PIEZO1: variants seen among roughly 807,000 people sequenced by gnomAD.
PIEZO1 encodes the protein piezo type mechanosensitive ion channel component 1 (Er blood group).
In PIEZO1, 296 loss-of-function variants were observed where a neutral mutation model predicts 297.2. The ratio of observed to expected loss-of-function variants is 1.00; its 90% CI spans 0.91 to 1.10. The LOEUF is 1.10. Ranked by LOEUF, PIEZO1 falls within the 50% of genes least tolerant of loss-of-function variation. The probability of loss-of-function intolerance (pLI) is 0.00; values close to 1 mark genes in which losing one functional copy is unlikely to be tolerated. For missense variants in PIEZO1, 5,018 were observed against 3,455.5 expected (o/e 1.45, Z -11.34); for synonymous variants, 2,427 against 1,507.5 (o/e 1.61, Z -14.13).
chr16:88,772,671 G>A (rs954672521), intron 1 of PIEZO1, among the ~76,000 whole-genome samples: 3 of 152,006 alleles, frequency 2.0e-5, no homozygotes, highest in African/African-American at 7.2e-5. Context: ...CTCAGCTACT[G>A]GGGAGGCTGA....
chr16:88,721,769 G>T, intron 37 of PIEZO1, 39 bp downstream of exon 37: 6 of 1,535,242 alleles, frequency 3.9e-6, no homozygotes, highest in Non-Finnish European at 5.3e-6. Flanking sequence ...GTCACGGCGC[G>T]GTGGGCCGGG....
chr16:88,729,017 T>G (rs1174315958), intron 22 of PIEZO1, among the ~76,000 whole-genome samples: 1 of 37,236 alleles, frequency 2.7e-5, no homozygotes. Context: ...ACCCAGGACA[T>G]GCTGAACCCA....
chr16:88,721,488 G>A, intron 38 of PIEZO1, 50 bp downstream of exon 38: 1 of 1,538,302 alleles, frequency 6.5e-7, no homozygotes, highest in Non-Finnish European at 8.8e-7. Flanking sequence ...GAGCACAGGT[G>A]CCCAGAGGGC....
At chr16:88,742,491 C>G (rs953300845) in intron 2 of PIEZO1, 69 bp from the exon 3 acceptor site, 42 of 1,479,860 alleles carry the variant, frequency 2.8e-5, no homozygotes, top group Non-Finnish European at 3.6e-5. Context: ...GCCGCTCAGC[C>G]GGACAATAGC....
intron 22 of PIEZO1, chr16:88,731,505 C>T: frequency 3.4e-6 from 2 of 583,476 alleles, no homozygotes; most frequent in Non-Finnish European, 6.1e-6. Flanking sequence ...AACAGCAGAG[C>T]CTGGAGGGGG....
At chr16:88,769,681 G>C (rs993754495) in intron 1 of PIEZO1, among the ~76,000 whole-genome samples, 1 of 152,160 alleles carries the variant, frequency 6.6e-6, no homozygotes, top group African/African-American at 2.4e-5. Flanking sequence ...AGAGGACCCC[G>C]GGCCTGGCTG....
Position 88,784,915 on chromosome 16 carries a change from CA to C in PIEZO1, c.49del (p.Cys17AlafsTer89). On this transcript the variant is annotated frameshift_variant, in exon 1 of 51. Transcript: ENST00000301015. LOFTEE classifies it high-confidence loss of function. ...CCCCCACTCACCAGCCAGCAGCGCGCAGGGCAGCAGCAGCCAGTACAGGACC... is the reference window on the plus strand; with the variant it reads ...CCCCCACTCACCAGCCAGCAGCGCGCGGGCAGCAGCAGCCAGTACAGGACC... ...GAVLYWLLLP[C>X]ALLAACLLRF... The C allele has an allele frequency of 7.0e-7, 1 of 1,436,300 alleles. No individual in the cohort carries two copies. Among genetic ancestry groups the C allele is most frequent in the Non-Finnish European group, 9.1e-7 (1 of 1,092,920 alleles). The allele number at this position is 1,436,300 out of a possible 1,614,324, so 89.0% of individuals were successfully genotyped here.
At position 88,731,922 on chromosome 16, in the gene PIEZO1, A is replaced by AGCGGGCGGGGCGTGGG; in HGVS notation, c.2992-13_2992-12insCCCACGCCCCGCCCGC. 2 of 374,962 alleles carry AGCGGGCGGGGCGTGGG rather than the reference A, an allele frequency of 5.3e-6. No homozygotes were observed. The highest frequency in any genetic ancestry group is 7.1e-6 in the Non-Finnish European group (2 of 281,122). 23.2% of individuals were successfully genotyped at this position (374,962 alleles called of 1,614,324 possible). ...ATCAGGAAGCAGATCTGGGGAGGGG[A>AGCGGGCGGGGCGTGGG]GAGGGCGGGGTGTGGGGATGCACTG... On this transcript the variant is annotated splice_polypyrimidine_tract_variant and intron_variant, in intron 21 of 50. Transcript: ENST00000301015.
intron 27 of PIEZO1, chr16:88,725,912 CCACCA>C: frequency 1.7e-6 from 1 of 575,224 alleles, no homozygotes; most frequent in Non-Finnish European, 3.1e-6. Flanking sequence ...GGCACCCACC[CCACCA>C]CAGCTGCAGG....
chr16:88,761,850 C>T (rs1906949347), intron 1 of PIEZO1, among the ~76,000 whole-genome samples: 1 of 152,096 alleles, frequency 6.6e-6, no homozygotes, highest in Non-Finnish European at 1.5e-5. Flanking sequence ...TGCTGGGCTC[C>T]CCTGCAGGGT....
intron 1 of PIEZO1, among the ~76,000 whole-genome samples, chr16:88,779,852 T>C (rs1907849159): frequency 6.6e-6 from 1 of 152,200 alleles, no homozygotes; most frequent in Non-Finnish European, 1.5e-5. Flanking sequence ...TGGGAAAGCC[T>C]GTGTTGCGGG....
At chr16:88,717,265 C>CA in intron 44 of PIEZO1, 54 bp from the exon 45 acceptor site, 1 of 1,463,552 alleles carries the variant, frequency 6.8e-7, no homozygotes, top group Non-Finnish European at 9.3e-7. Flanking sequence ...CTGCGGGTCA[C>CA]ACAACCGCAT....
At chr16:88,774,916 G>A (rs1253197913) in intron 1 of PIEZO1, among the ~76,000 whole-genome samples, 1 of 152,202 alleles carries the variant, frequency 6.6e-6, no homozygotes, top group Non-Finnish European at 1.5e-5. Context: ...AACCCCAGAG[G>A]AACCAGTCAA....
Position 88,737,611 on chromosome 16 carries a change from A to G in PIEZO1, c.1143T>C (p.Asp381=), listed in dbSNP as rs1160040100. ...CGGTCAGCTCGTGCACGATGCAGTT[A>G]TCAGCCTCGGTGTCGGGTGCTGTGG... ...VVPTAPDTEA[D]NCIVHELTGQ... is the part of the protein sequence containing the mutation. Residue 381 remains aspartate, a synonymous_variant, in exon 10 of 51, where the codon GAT becomes GAC. Transcript: ENST00000301015. The G allele has an allele frequency of 6.5e-7, 1 of 1,532,742 alleles. No homozygotes were observed. The highest frequency in any genetic ancestry group is 2.0e-5 in the Admixed American group (1 of 50,886). The allele number at this position is 1,532,742 out of a possible 1,614,324, so 94.9% of individuals were successfully genotyped here.
rs754293051 is a variant in PIEZO1 at position 88,726,660 on chromosome 16, T to C, written c.3700-17A>G. 1.8e-5 allele frequency: 27 copies of C among 1,471,132 alleles called. No individual in the cohort carries two copies. Among genetic ancestry groups the C allele is most frequent in the African/African-American group, 5.8e-5 (4 of 68,454 alleles). 91.1% of individuals were successfully genotyped at this position (1,471,132 alleles called of 1,614,324 possible). On this transcript the variant is annotated splice_polypyrimidine_tract_variant and intron_variant, in intron 25 of 50. Coordinates refer to ENST00000301015, the MANE Select transcript of PIEZO1 (RefSeq NM_001142864.4). ...GGCCAGGAGCTGGGGGAGAGCAGGG[T>C]CAGCGGGGCCAGCGGGGCCCCAGGG... is the stretch of plus-strand genomic sequence containing the variant.
intron 2 of PIEZO1, among the ~76,000 whole-genome samples, chr16:88,746,945 C>T (rs1906092028): frequency 6.6e-6 from 1 of 152,190 alleles, no homozygotes; most frequent in Non-Finnish European, 1.5e-5. Context: ...AGTGGGGGTG[C>T]CCACCCACCC....
Position 88,726,396 on chromosome 16 carries a change from T to A in PIEZO1, c.3856A>T (p.Ile1286Phe), listed in dbSNP as rs1248584458. 1 of 1,550,352 alleles carries A rather than the reference T, an allele frequency of 6.5e-7. No homozygotes were observed. The highest frequency in any genetic ancestry group is 8.7e-7 in the Non-Finnish European group (1 of 1,146,914). Residue 1286 changes from isoleucine to phenylalanine, a missense_variant, in exon 27 of 51, where the codon ATC becomes TTC. Physicochemically the swap from Ile to Phe is conservative, Grantham distance 21 (BLOSUM62 0). Transcript: ENST00000301015. ...AAGAAGAAGCAGACGCTGTCCCAGA[T>A]GATGCCAGCCTCCTCCACAGGCAGC... The part of the protein sequence containing the change: ...CLLPVEEAGI[I>F]WDSVCFFFLL...
At chr16:88,759,650 G>A (rs1046659896) in intron 1 of PIEZO1, among the ~76,000 whole-genome samples, 7 of 152,214 alleles carry the variant, frequency 4.6e-5, no homozygotes, top group African/African-American at 1.4e-4. Flanking sequence ...CATGACCCCA[G>A]GCAGAGCACA....
At chr16:88,733,499 G>A (rs1209828386) in intron 18 of PIEZO1, 45 bp from the exon 19 acceptor site, 39 of 1,534,138 alleles carry the variant, frequency 2.5e-5, no homozygotes, top group Non-Finnish European at 3.4e-5. Flanking sequence ...GAGGGCAGTG[G>A]GCACGTGGGG....
Sources: allele counts gnomAD v4.1 joint callset (sites outside exome capture counted in the v4.1 genomes callset), GRCh38; gene constraint gnomAD v4.1.1; transcripts MANE v1.5; gene names NCBI Gene and HGNC (gene_info 2026-07-23, HGNC 2026-07-21).